Variants in PCDHGA4 observed in about 807,000 individuals in gnomAD.
The protein encoded by PCDHGA4 is protocadherin gamma-A4.
Under a neutral mutation model 54.6 loss-of-function variants are expected in PCDHGA4, and 38 were observed. That is an observed-to-expected ratio of 0.70 (90% CI 0.54 to 0.91). The LOEUF (loss-of-function observed/expected upper bound fraction) is 0.91. PCDHGA4 is among the 40% of genes least tolerant of loss of function. The pLI is 0.00. For missense variants in PCDHGA4, 1,298 were observed against 1,220.9 expected (o/e 1.06, Z -0.94); for synonymous variants, 511 against 512.9 (o/e 1.00, Z 0.05).
At chr5:141,410,903 G>C (rs191165984) in intron 1 of PCDHGA4, 2 of 276,978 alleles carry the variant, frequency 7.2e-6, no homozygotes, top group South Asian at 4.9e-5. Context: ...GCCTAGGCTG[G>C]AGTGCAGTGG....
At chr5:141,472,176 G>C (rs1416695177) in intron 1 of PCDHGA4, among the ~76,000 whole-genome samples, 3 of 152,144 alleles carry the variant, frequency 2.0e-5, no homozygotes, top group Non-Finnish European at 2.9e-5. Context: ...GTAATATCCA[G>C]TATTGGAATT....
At chr5:141,386,956 G>A (rs1561613070) in intron 1 of PCDHGA4, among the ~76,000 whole-genome samples, 1 of 152,208 alleles carries the variant, frequency 6.6e-6, no homozygotes, top group Non-Finnish European at 1.5e-5. Context: ...CTTCAGTGCA[G>A]CAGATCTCAG....
Position 141,420,413 on chromosome 5 carries a change from A to G in PCDHGA4, c.2514+62792A>G, listed in dbSNP as rs191893876. 4 of 1,222,394 alleles carry G rather than the reference A, an allele frequency of 3.3e-6. No individual in the cohort carries two copies. In the Admixed American group the frequency reaches 1.1e-4, roughly 33 times the overall value. 75.7% of individuals were successfully genotyped at this position (1,222,394 alleles called of 1,614,324 possible). A position where few individuals can be genotyped will look rare whatever the true frequency, so the allele number is the denominator to read the frequency against. ...ATAGGTCAAATTTATGGTTATCATT[A>G]TTAAAACAAAAGTTTAAATTAAATG... On this transcript the variant is annotated intron_variant, in intron 1 of 3. Transcript: ENST00000571252.
intron 3 of PCDHGA4, among the ~76,000 whole-genome samples, chr5:141,510,117 T>C (rs1205620535): frequency 6.6e-6 from 1 of 151,908 alleles, no homozygotes; most frequent in East Asian, 1.9e-4. Context: ...TGTTTTGAAA[T>C]ACAAAAATTA....
chr5:141,360,994 C>A lies in PCDHGA4; in HGVS notation c.2514+3373C>A, dbSNP rs367799961. 3.1e-6 allele frequency: 5 copies of A among 1,613,358 alleles called. No individual in the cohort carries two copies. In the African/African-American group the frequency reaches 4.0e-5, roughly 13 times the overall value. On this transcript the variant is annotated intron_variant, in intron 1 of 3. Coordinates refer to ENST00000571252, the MANE Select transcript of PCDHGA4 (RefSeq NM_018917.4). ...CTACTCCTTTCATAATGTGGACGAA[C>A]AAGTGAAACACTTTTTCAACTTAAA... is the stretch of plus-strand genomic sequence containing the variant.
chr5:141,400,793 C>T, intron 1 of PCDHGA4: 2 of 561,880 alleles, frequency 3.6e-6, no homozygotes, highest in Admixed American at 3.5e-5. Context: ...TGTCCTCTTT[C>T]TCAAAGCTAA....
In PCDHGA4 at chr5:141,487,218, C is replaced by G. The variant is rs2099641338; in HGVS notation, c.2515-7589C>G. The stretch of plus-strand genomic sequence containing the variant: ...CCAGATCTTCGAGAATCTTCAGCTC[C>G]AAGGGAAGGAGAATCTCGTCTAACC... On this transcript the variant is annotated intron_variant, in intron 1 of 3. Transcript: ENST00000571252. The surrounding 1 kb of genome is among the most constrained non-coding windows in gnomAD (Gnocchi z 5.0). 1 of 1,613,820 alleles carries G rather than the reference C, an allele frequency of 6.2e-7. No homozygotes were observed. The highest frequency in any genetic ancestry group is 1.1e-5 in the South Asian group (1 of 91,078).
chr5:141,406,344 A>G (rs1227863234), intron 1 of PCDHGA4, among the ~76,000 whole-genome samples: 1 of 152,148 alleles, frequency 6.6e-6, no homozygotes, highest in Non-Finnish European at 1.5e-5. Flanking sequence ...TCATTTATTC[A>G]GGTCATACTA....
chr5:141,414,843 G>T (rs2095794241), intron 1 of PCDHGA4: 1 of 1,614,100 alleles, frequency 6.2e-7, no homozygotes, highest in Admixed American at 1.7e-5. Context: ...GCCTGTTTGT[G>T]CTGGACCAGA....
chr5:141,383,563 C>A, intron 1 of PCDHGA4: 2 of 1,613,150 alleles, frequency 1.2e-6, no homozygotes, highest in Non-Finnish European at 1.7e-6. Context: ...CGACCCGCCC[C>A]GATCCAGCAC....
At chr5:141,360,584 CA>C (rs1475188649) in intron 1 of PCDHGA4, 7 of 1,613,944 alleles carry the variant, frequency 4.3e-6, no homozygotes, top group Non-Finnish European at 5.1e-6. Context: ...AAGCCAGGTA[CA>C]ACATTTCCAC....
chr5:141,442,047 G>A (rs186626119), intron 1 of PCDHGA4: 64 of 202,912 alleles, frequency 3.2e-4, no homozygotes, highest in Admixed American at 9.3e-4. Context: ...GCGCCTACTG[G>A]TCGCGGTGCA....
chr5:141,384,995 C>T (rs1485778293), intron 1 of PCDHGA4: 2 of 1,614,034 alleles, frequency 1.2e-6, no homozygotes, highest in African/African-American at 1.3e-5. Context: ...GCGGTGGCCA[C>T]AGTCTCCTGC....
Position 141,485,298 on chromosome 5 carries a change from G to A in PCDHGA4, c.2515-9509G>A, listed in dbSNP as rs1562104502. 1 of 1,613,978 alleles carries A rather than the reference G, an allele frequency of 6.2e-7. No individual in the cohort carries two copies. On this transcript the variant is annotated intron_variant, in intron 1 of 3. Coordinates refer to ENST00000571252, the MANE Select transcript of PCDHGA4 (RefSeq NM_018917.4). This position sits in a 1 kb window ranked among gnomAD's most constrained non-coding sequence, Gnocchi z 5.7. ...CCGGTCCCAGAGGAGTCACAGGAAG[G>A]GACTTTTGTAGGGAATGTCGCTCAA...
chr5:141,397,820 C>G (rs2093573235), intron 1 of PCDHGA4, among the ~76,000 whole-genome samples: 1 of 152,240 alleles, frequency 6.6e-6, no homozygotes, highest in Non-Finnish European at 1.5e-5. Flanking sequence ...AAAACAATTA[C>G]TGCACTGGTT....
At chr5:141,437,944 G>A (rs576107104) in intron 1 of PCDHGA4, among the ~76,000 whole-genome samples, 1 of 152,178 alleles carries the variant, frequency 6.6e-6, no homozygotes, top group South Asian at 2.1e-4. Flanking sequence ...CACCATATTG[G>A]CCAGAATGGT....
chr5:141,490,092 C>T lies in PCDHGA4; in HGVS notation c.2515-4715C>T. On this transcript the variant is annotated intron_variant, in intron 1 of 3. Coordinates refer to ENST00000571252, the MANE Select transcript of PCDHGA4 (RefSeq NM_018917.4). This position sits in a 1 kb window ranked among gnomAD's most constrained non-coding sequence, Gnocchi z 5.4. ...AACTAGACTATTCTTTTGGAGACCA[C>T]ACATCTGAGGCAGTGCGGAACCTCT... 6.2e-7 allele frequency: 1 copy of T among 1,614,240 alleles called. No individual in the cohort carries two copies.
At chr5:141,455,103 C>T (rs1319698016) in intron 1 of PCDHGA4, among the ~76,000 whole-genome samples, 1 of 151,862 alleles carries the variant, frequency 6.6e-6, no homozygotes, top group South Asian at 2.1e-4. Flanking sequence ...TGAGCCACTG[C>T]GCCCGGTGGG....
At chr5:141,410,441 A>C (rs1242063924) in intron 1 of PCDHGA4, 1 of 1,613,828 alleles carries the variant, frequency 6.2e-7, no homozygotes, top group South Asian at 1.1e-5. Flanking sequence ...CAGTGAGGGG[A>C]CTTTGCCTTA....
Sources: allele counts gnomAD v4.1 joint callset (sites outside exome capture counted in the v4.1 genomes callset), GRCh38; gene constraint gnomAD v4.1.1; non-coding constraint Gnocchi (gnomAD v3.1); transcripts MANE v1.5; gene names NCBI Gene and HGNC (gene_info 2026-07-23, HGNC 2026-07-21).